Variants in JAKMIP3 observed in about 807,000 individuals in gnomAD.
JAKMIP3 encodes Janus kinase and microtubule interacting protein 3, also known as janus kinase and microtubule-interacting protein 3.
Under a neutral mutation model 118.5 loss-of-function variants are expected in JAKMIP3, and 58 were observed. The ratio of observed to expected loss-of-function variants is 0.49; its 90% CI spans 0.40 to 0.61. The LOEUF (loss-of-function observed/expected upper bound fraction) is 0.61. Among genes scored for constraint, JAKMIP3 ranks in the 20% least tolerant of loss-of-function variants. The pLI, the probability that JAKMIP3 is intolerant of heterozygous loss-of-function variation, is 0.00. For synonymous variants in JAKMIP3, 486 were observed against 451.2 expected, an observed-to-expected ratio of 1.08 and a Z score of -0.98; for missense variants, 950 against 1,109.0, an observed-to-expected ratio of 0.86 and a Z score of 2.04.
intron 1 of JAKMIP3, among the ~76,000 whole-genome samples, chr10:132,104,014 TA>T (rs2045516060): frequency 6.6e-6 from 1 of 152,312 alleles, no homozygotes; most frequent in South Asian, 2.1e-4. Context: ...TCACCCAGCC[TA>T]ATGTCTTCAG....
At position 132,152,930 on chromosome 10, in the gene JAKMIP3, C is replaced by T. The variant is rs11146215; in HGVS notation, c.2008-28C>T. ...CACCCCCAAAGGCACTGCTTCTGAC[C>T]GCACCTGTGTTCTGCTTTTGGGTGC... On this transcript the variant is annotated intron_variant, in intron 16 of 23. Coordinates refer to ENST00000684848, the MANE Select transcript of JAKMIP3 (RefSeq NM_001323087.2). 69,114 of 1,574,140 alleles carry T rather than the reference C, an allele frequency of 0.044. 6,327 individuals carry two copies. The East Asian group carries it at 0.47, about 11-fold the overall frequency.
At position 132,069,143 on chromosome 10, in the gene JAKMIP3, C is replaced by T. The variant is rs759872931; in HGVS notation, c.-138+3082C>T. On this transcript the variant is annotated intron_variant, in intron 1 of 23. Transcript: ENST00000684848. ...AGCTTATTAAAACTTTCCCCAGCTG[C>T]TGCTCTTCCCAGACATCCACCTGCC... Among the ~76,000 whole-genome samples the T allele has an allele frequency of 1.1e-4, 16 of 152,248 alleles. No individual in the cohort carries two copies. In the South Asian group the frequency reaches 1.2e-3, roughly 12 times the overall value.
At chr10:132,152,857 C>G (rs1299138144) in intron 16 of JAKMIP3, 101 bp from the exon 17 acceptor site, 2 of 907,770 alleles carry the variant, frequency 2.2e-6, no homozygotes, top group Non-Finnish European at 1.8e-6. Flanking sequence ...CCAGGCGTCC[C>G]CAGTCAGCCT....
At chr10:132,130,381 A>T (rs758027557) in intron 3 of JAKMIP3, among the ~76,000 whole-genome samples, 12 of 152,358 alleles carry the variant, frequency 7.9e-5, no homozygotes, top group Non-Finnish European at 1.6e-4. Flanking sequence ...TCTCTAGCAC[A>T]TCCGCTGGGA....
chr10:132,156,062 G>A (rs1394060928), intron 19 of JAKMIP3, among the ~76,000 whole-genome samples: 1 of 152,136 alleles, frequency 6.6e-6, no homozygotes, highest in Non-Finnish European at 1.5e-5. Flanking sequence ...GATGTAAAAA[G>A]CAGAGGCCCC....
chr10:132,161,234 G>A (rs1490346188), intron 19 of JAKMIP3, among the ~76,000 whole-genome samples: 1 of 10,852 alleles, frequency 9.2e-5, no homozygotes, highest in Non-Finnish European at 2.1e-4. Context: ...ATGCTGGGGG[G>A]GCCTCTCCCT....
intron 1 of JAKMIP3, among the ~76,000 whole-genome samples, chr10:132,070,216 T>C (rs1393367748): frequency 6.6e-6 from 1 of 152,130 alleles, no homozygotes; most frequent in Non-Finnish European, 1.5e-5. Context: ...GGCGCGTTCT[T>C]GGCTTACTGC....
At chr10:132,144,839 G>A (rs1258933252) in intron 11 of JAKMIP3, 4 of 389,396 alleles carry the variant, frequency 1.0e-5, no homozygotes, top group Non-Finnish European at 1.9e-5. Flanking sequence ...TGAGGTGGGA[G>A]GATCACTTGA....
chr10:132,075,897 A>C (rs1228278564), intron 1 of JAKMIP3, among the ~76,000 whole-genome samples: 1 of 149,748 alleles, frequency 6.7e-6, no homozygotes, highest in Non-Finnish European at 1.5e-5. Flanking sequence ...TCCCCTGAGG[A>C]ACTTCCTTAG....
rs895160911 is a variant in JAKMIP3, at chr10:132,071,172, T to A, written c.-138+5111T>A. Among the ~76,000 whole-genome samples, 10 of 123,844 alleles carry A rather than the reference T, an allele frequency of 8.1e-5. No individual in the cohort carries two copies. In the East Asian group the frequency reaches 2.8e-3, roughly 35 times the overall value. 81.2% of individuals were successfully genotyped at this position (123,844 alleles called of 152,430 possible). ...TGGGTCATTTAAAAGTGTGTGTGTGTGTGTGTGTGTGTGTGTGTGTTTTAA... is the reference window on the plus strand; with the variant it reads ...TGGGTCATTTAAAAGTGTGTGTGTGAGTGTGTGTGTGTGTGTGTGTTTTAA... On this transcript the variant is annotated intron_variant, in intron 1 of 23. Transcript: ENST00000684848.
chr10:132,073,115 T>TTG (rs2040228273), intron 1 of JAKMIP3, among the ~76,000 whole-genome samples: 1 of 152,186 alleles, frequency 6.6e-6, no homozygotes, highest in African/African-American at 2.4e-5. Context: ...GTATTCCATG[T>TTG]TGTGTGTGTG....
rs750727252 is a variant in JAKMIP3, at chr10:132,145,521, A to G, written c.1690A>G (p.Met564Val). 107 of 1,558,288 alleles carry G rather than the reference A, an allele frequency of 6.9e-5. No homozygotes were observed. The highest frequency in any genetic ancestry group is 8.8e-5 in the Non-Finnish European group (101 of 1,150,730). The part of the protein sequence containing the change: ...EKALAEQGQD[M>V]KWIEEKQALY... ...TTCTTTCAATTCCATTTGCAAGGAT[A>G]TGAAGTGGATTGAAGAGAAGCAGGC... Residue 564 changes from methionine to valine, a missense_variant, in exon 13 of 24, where the codon ATG (methionine) becomes GTG (valine). Physicochemically the swap from Met to Val is conservative, Grantham distance 21. Coordinates refer to ENST00000684848, the MANE Select transcript of JAKMIP3 (RefSeq NM_001323087.2).
At chr10:132,095,498 T>A (rs1162169880) in intron 1 of JAKMIP3, among the ~76,000 whole-genome samples, 1 of 152,154 alleles carries the variant, frequency 6.6e-6, no homozygotes, top group Non-Finnish European at 1.5e-5. Flanking sequence ...AGTGGGGGTG[T>A]GTGTTTGGGG....
intron 9 of JAKMIP3, among the ~76,000 whole-genome samples, chr10:132,139,221 CAT>C (rs1334660559): frequency 3.0e-5 from 3 of 100,382 alleles, no homozygotes; most frequent in African/African-American, 4.3e-5. Flanking sequence ...TATGTGTGTA[CAT>C]GTGAGTGTAT....
Position 132,104,864 on chromosome 10 carries a change from C to A in JAKMIP3, c.56C>A (p.Ala19Glu), listed in dbSNP as rs200640026. 2.1e-4 allele frequency: 325 copies of A among 1,561,428 alleles called. No homozygotes were observed. Among genetic ancestry groups the A allele is most frequent in the Non-Finnish European group, 2.5e-4 (294 of 1,153,226 alleles). Residue 19 changes from alanine (A) to glutamate (E), a missense_variant, in exon 2 of 24, where the codon GCG (alanine) becomes GAG (glutamate). Ala to Glu is a moderately radical substitution (Grantham distance 107, BLOSUM62 -1). Transcript: ENST00000684848. ...AAGGGGGACAAGGCAGAGGCCCTCG[C>A]GGCGCTGCAGGCGGCCAACGAGGAT... ...RAKGDKAEAL[A>E]ALQAANEDLR... is the part of the protein sequence containing the mutation.
intron 23 of JAKMIP3, among the ~76,000 whole-genome samples, chr10:132,180,420 G>A (rs1279812598): frequency 6.7e-6 from 1 of 149,660 alleles, no homozygotes; most frequent in Non-Finnish European, 1.5e-5. Flanking sequence ...TGCCCAGAAA[G>A]GGGAGGGTGG....
chr10:132,137,011 C>A lies in JAKMIP3; in HGVS notation c.1117-8C>A. On this transcript the variant is annotated splice_region_variant and splice_polypyrimidine_tract_variant and intron_variant, in intron 6 of 23. Coordinates refer to ENST00000684848, the MANE Select transcript of JAKMIP3 (RefSeq NM_001323087.2). Reference sequence around the variant, plus strand: ...CCAACTTGTGATGTGGGCTGCTTGGCGTTTCAGAGACAGAGAGCTGGAATC... The same window carrying A: ...CCAACTTGTGATGTGGGCTGCTTGGAGTTTCAGAGACAGAGAGCTGGAATC... 6.2e-7 allele frequency: 1 copy of A among 1,611,898 alleles called. No individual in the cohort carries two copies.
intron 19 of JAKMIP3, among the ~76,000 whole-genome samples, chr10:132,160,165 TCTCTTCCTGTGTGATGCTGGGTGGGC>T (rs2057931486): frequency 1.6e-4 from 6 of 37,654 alleles, no homozygotes; most frequent in South Asian, 1.3e-3. Flanking sequence ...TGCTAGGGGG[TCTCTTCCTGTGTGATGCTGGGTGGGC>T]CTCTCCCTGT....
chr10:132,102,417 A>G (rs1332061878), intron 1 of JAKMIP3, among the ~76,000 whole-genome samples: 1 of 151,664 alleles, frequency 6.6e-6, no homozygotes, highest in Non-Finnish European at 1.5e-5. Context: ...CTCCCTCTGT[A>G]CCCCATGACA....
Sources: allele counts gnomAD v4.1 joint callset (sites outside exome capture counted in the v4.1 genomes callset), GRCh38; gene constraint gnomAD v4.1.1; transcripts MANE v1.5; gene names NCBI Gene and HGNC (gene_info 2026-07-23, HGNC 2026-07-21).